OSBPL8: variants seen among roughly 807,000 people sequenced by gnomAD.
OSBPL8 encodes the protein oxysterol binding protein like 8, also known as oxysterol-binding protein-related protein 8.
OSBPL8 carries 59 observed loss-of-function variants against 125.5 expected under a neutral mutation model. The ratio of observed to expected loss-of-function variants is 0.47; its 90% CI spans 0.38 to 0.58. OSBPL8 has a LOEUF of 0.58. OSBPL8 is among the 20% of genes least tolerant of loss of function. The probability of loss-of-function intolerance (pLI) is 0.00; values close to 1 mark genes in which losing one functional copy is unlikely to be tolerated. For missense variants in OSBPL8, 758 were observed against 1,047.8 expected (o/e 0.72, Z 3.82); for synonymous variants, 330 against 338.9 (o/e 0.97, Z 0.29).
At chr12:76,365,763 C>G (rs1952391407) in intron 21 of OSBPL8, among the ~76,000 whole-genome samples, 1 of 152,090 alleles carries the variant, frequency 6.6e-6, no homozygotes, top group African/African-American at 2.4e-5. Context: ...TTGAGGAAGT[C>G]TCTTCTCTTC....
chr12:76,435,908 A>G (rs1400158061), intron 4 of OSBPL8, among the ~76,000 whole-genome samples: 1 of 152,122 alleles, frequency 6.6e-6, no homozygotes, highest in Non-Finnish European at 1.5e-5. Flanking sequence ...TGCAAATATC[A>G]TATTAGAAAG....
intron 15 of OSBPL8, 49 bp from the exon 16 acceptor site, chr12:76,378,599 T>C: frequency 7.6e-7 from 1 of 1,318,030 alleles, no homozygotes. Flanking sequence ...ATTCAACCAA[T>C]TCAAAACAAA....
At chr12:76,547,196 G>A (rs1592898256) in intron 1 of OSBPL8, among the ~76,000 whole-genome samples, 2 of 152,128 alleles carry the variant, frequency 1.3e-5, no homozygotes. Flanking sequence ...AATTGAAAAC[G>A]ATTAAACAAG....
At chr12:76,445,186 G>A (rs1378879716) in intron 4 of OSBPL8, among the ~76,000 whole-genome samples, 1 of 152,134 alleles carries the variant, frequency 6.6e-6, no homozygotes, top group Non-Finnish European at 1.5e-5. Context: ...GTACTACTCA[G>A]TAATGCAGGC....
At chr12:76,385,706 A>G (rs934800319) in intron 14 of OSBPL8, among the ~76,000 whole-genome samples, 2 of 152,090 alleles carry the variant, frequency 1.3e-5, no homozygotes, top group African/African-American at 4.8e-5. Context: ...AAAATGAGGA[A>G]AGAAAGTGCT....
chr12:76,372,645 G>A (rs1216904379), intron 18 of OSBPL8, among the ~76,000 whole-genome samples: 1 of 152,100 alleles, frequency 6.6e-6, no homozygotes, highest in Non-Finnish European at 1.5e-5. Flanking sequence ...CTTACTGCAT[G>A]CAGAAAGGAG....
At chr12:76,523,145 T>C (rs536659547) in intron 1 of OSBPL8, among the ~76,000 whole-genome samples, 6 of 152,346 alleles carry the variant, frequency 3.9e-5, no homozygotes, top group Admixed American at 1.3e-4. Flanking sequence ...GCCAGGTTCC[T>C]ATCTAGAGTT....
At chr12:76,410,108 T>C (rs886797217) in intron 5 of OSBPL8, among the ~76,000 whole-genome samples, 1 of 152,200 alleles carries the variant, frequency 6.6e-6, no homozygotes, top group Non-Finnish European at 1.5e-5. Context: ...TCAGAAATAC[T>C]GATTCATAAA....
At chr12:76,359,027 A>G (rs1592511425) in intron 21 of OSBPL8, among the ~76,000 whole-genome samples, 1 of 152,234 alleles carries the variant, frequency 6.6e-6, no homozygotes, top group South Asian at 2.1e-4. Flanking sequence ...GTCAAAAAGT[A>G]AAATACACAA....
rs372010015 is a variant in OSBPL8, at chr12:76,483,566, T to C, written c.42+3944A>G. Reference sequence around the variant, plus strand: ...GCAACAGAGCGAGACTCTGTCTCAATAAAAAAAAATTTGTATTATGTTCAA... The same window carrying C: ...GCAACAGAGCGAGACTCTGTCTCAACAAAAAAAAATTTGTATTATGTTCAA... On this transcript the variant is annotated intron_variant, in intron 2 of 23. Coordinates refer to ENST00000261183, the MANE Select transcript of OSBPL8 (RefSeq NM_020841.5). 6.5e-5 allele frequency among the ~76,000 whole-genome samples: 8 copies of C among 122,538 alleles called. No individual in the cohort carries two copies. In the East Asian group the frequency reaches 1.5e-3, roughly 23 times the overall value. The allele number at this position is 122,538 out of a possible 152,430, so 80.4% of individuals were successfully genotyped here.
chr12:76,450,847 C>G lies in OSBPL8; in HGVS notation c.217+4G>C, dbSNP rs969514858. 6.2e-7 allele frequency: 1 copy of G among 1,604,212 alleles called. No individual in the cohort carries two copies. The highest frequency in any genetic ancestry group is 1.3e-5 in the African/African-American group (1 of 74,430). The stretch of plus-strand genomic sequence containing the variant: ...GACAAAACATGAAAACCACAACTTC[C>G]TACCCTGGCTATGAGGACTTGCTGG... On this transcript the variant is annotated splice_donor_region_variant and intron_variant, in intron 4 of 23. Transcript: ENST00000261183.
intron 4 of OSBPL8, among the ~76,000 whole-genome samples, chr12:76,428,610 G>A (rs1357860042): frequency 6.6e-6 from 1 of 151,980 alleles, no homozygotes. Context: ...AATCCTTAAA[G>A]CAGCAGGATG....
chr12:76,509,972 A>C (rs900404662), intron 1 of OSBPL8, among the ~76,000 whole-genome samples: 1 of 152,236 alleles, frequency 6.6e-6, no homozygotes, highest in Non-Finnish European at 1.5e-5. Flanking sequence ...AGATATTCCC[A>C]AAAACACTGC....
chr12:76,505,515 A>G (rs1880322550), intron 1 of OSBPL8, among the ~76,000 whole-genome samples: 2 of 152,152 alleles, frequency 1.3e-5, no homozygotes, highest in South Asian at 4.1e-4. Context: ...ATTGTGTATT[A>G]TAATAGATAC....
chr12:76,478,079 G>A (rs937925530), intron 2 of OSBPL8, among the ~76,000 whole-genome samples: 52 of 151,950 alleles, frequency 3.4e-4, no homozygotes, highest in Non-Finnish European at 1.2e-4. Context: ...TGGTGCGCCT[G>A]TAATCCCAGC....
At chr12:76,420,543 T>C (rs1010437971) in intron 4 of OSBPL8, among the ~76,000 whole-genome samples, 2 of 152,018 alleles carry the variant, frequency 1.3e-5, no homozygotes, top group African/African-American at 2.4e-5. Context: ...GACGTATTTA[T>C]TAAGGCAGAA....
chr12:76,438,187 C>T (rs1264758506), intron 4 of OSBPL8, among the ~76,000 whole-genome samples: 2 of 151,914 alleles, frequency 1.3e-5, no homozygotes, highest in East Asian at 1.9e-4. Flanking sequence ...GGGGTTTCAC[C>T]GTGTTAGCCA....
chr12:76,437,467 C>G (rs190315214), intron 4 of OSBPL8, among the ~76,000 whole-genome samples: 1 of 152,260 alleles, frequency 6.6e-6, no homozygotes, highest in Non-Finnish European at 1.5e-5. Flanking sequence ...CTATTCATGT[C>G]TTTTGGACAT....
chr12:76,413,792 T>A (rs1320624488), intron 4 of OSBPL8, among the ~76,000 whole-genome samples: 1 of 152,132 alleles, frequency 6.6e-6, no homozygotes, highest in Non-Finnish European at 1.5e-5. Flanking sequence ...AAAAAAATCG[T>A]CTATCTTTTC....
Sources: gnomAD v4.1 joint callset for allele counts (sites outside exome capture counted in the v4.1 genomes callset) on GRCh38, gnomAD v4.1.1 for gene constraint, MANE v1.5 for transcripts, NCBI Gene and HGNC (gene_info 2026-07-23, HGNC 2026-07-21) for gene names.